POU2F3: variants seen among roughly 807,000 people sequenced by gnomAD.
The protein encoded by POU2F3 is POU domain, class 2, transcription factor 3.
POU2F3 carries 23 observed loss-of-function variants against 59.2 expected under a neutral mutation model. The ratio of observed to expected loss-of-function variants is 0.39; its 90% CI spans 0.28 to 0.55. POU2F3 has a LOEUF of 0.55. Among genes scored for constraint, POU2F3 ranks in the 20% least tolerant of loss-of-function variants. The probability of loss-of-function intolerance (pLI) is 0.66; values close to 1 mark genes in which losing one functional copy is unlikely to be tolerated. For synonymous variants in POU2F3, 190 were observed against 214.6 expected (o/e 0.89, Z 1.00); for missense variants, 473 against 544.5 (o/e 0.87, Z 1.31).
chr11:120,248,409 G>A (rs1355529220), intron 2 of POU2F3, among the ~76,000 whole-genome samples: 1 of 152,222 alleles, frequency 6.6e-6, no homozygotes, highest in Non-Finnish European at 1.5e-5. Context: ...AGTGGGTTGA[G>A]AGTTACTTGA....
intron 10 of POU2F3, among the ~76,000 whole-genome samples, chr11:120,310,391 G>A (rs574680240): frequency 2.6e-5 from 4 of 151,986 alleles, no homozygotes; most frequent in African/African-American, 9.6e-5. Context: ...GCAAGTTTGA[G>A]GAAAAAAACT....
chr11:120,301,266 G>T (rs528780796), intron 5 of POU2F3: 1 of 318,258 alleles, frequency 3.1e-6, no homozygotes, highest in South Asian at 2.8e-5. Flanking sequence ...TGCCTCATGA[G>T]ATTATTGAGA....
upstream of POU2F3, chr11:120,236,716 G>A (rs1322724237): frequency 6.8e-7 from 1 of 1,478,390 alleles, no homozygotes; most frequent in Non-Finnish European, 9.1e-7. Context: ...GGGTAAAGGA[G>A]TTCTCTACGT....
At position 120,297,162 on chromosome 11, in the gene POU2F3, C is replaced by T. The variant is rs563231054; in HGVS notation, c.133-1103C>T. Reference sequence around the variant, plus strand: ...TATAAGTATGGTCTAGAGCTCGTGCCCCCATCACATTATATGAATTTAAAG... The same window carrying T: ...TATAAGTATGGTCTAGAGCTCGTGCTCCCATCACATTATATGAATTTAAAG... On this transcript the variant is annotated intron_variant, in intron 3 of 12. Coordinates refer to ENST00000543440, the MANE Select transcript of POU2F3 (RefSeq NM_014352.4). 7.2e-5 allele frequency among the ~76,000 whole-genome samples: 11 copies of T among 152,258 alleles called. No homozygotes were observed. The South Asian group carries it at 2.3e-3, about 32-fold the overall frequency.
intron 2 of POU2F3, among the ~76,000 whole-genome samples, chr11:120,267,031 G>A: frequency 6.7e-6 from 1 of 150,100 alleles, no homozygotes; most frequent in East Asian, 2.8e-4. Context: ...TGTCACAAAG[G>A]GATTTTTTTT....
At chr11:120,292,337 C>G (rs115230503) in intron 3 of POU2F3, among the ~76,000 whole-genome samples, 91 of 150,966 alleles carry the variant, frequency 6.0e-4, no homozygotes, top group African/African-American at 1.9e-3. Flanking sequence ...GATAAGCAGC[C>G]CAGGGATATG....
chr11:120,308,972 A>G lies in POU2F3; in HGVS notation c.907-453A>G, dbSNP rs954867309. Among the ~76,000 whole-genome samples, 12 of 140,154 alleles carry G rather than the reference A, an allele frequency of 8.6e-5. 1 individual carries two copies. The Middle Eastern group carries it at 0.011, about 128-fold the overall frequency. 91.9% of individuals were successfully genotyped at this position (140,154 alleles called of 152,430 possible). ...AAAAAAAAAAAAAAAAAAAAAAAAA[A>G]AAAAGAAATGACAAGGGAGAAGGAC... On this transcript the variant is annotated intron_variant, in intron 9 of 12. Transcript: ENST00000543440.
At position 120,302,333 on chromosome 11, in the gene POU2F3, C is replaced by T. The variant is rs1470749400; in HGVS notation, c.409C>T (p.Leu137Phe). The change falls in exon 6 of 13, where the codon CTC (leucine) becomes TTC (phenylalanine). Residue 137 changes from leucine to phenylalanine, a missense_variant. Transcript: ENST00000543440. ...LPFPQQQSGL[L>F]LPQTGPGLAS... The stretch of plus-strand genomic sequence containing the variant: ...CTTTCCACAGCAACAAAGCGGTCTC[C>T]TCCTCCCACAGACTGGGCCGGGACT... The T allele has an allele frequency of 6.2e-7, 1 of 1,613,136 alleles. No individual in the cohort carries two copies. Among genetic ancestry groups the T allele is most frequent in the East Asian group, 2.2e-5 (1 of 44,870 alleles).
intron 1 of POU2F3, 152 bp downstream of exon 1, chr11:120,240,523 G>A: frequency 1.9e-6 from 2 of 1,079,182 alleles, no homozygotes; most frequent in African/African-American, 1.6e-5. Flanking sequence ...GGTGGGTGCC[G>A]GTCAGTATTT....
chr11:120,309,106 A>G (rs1941585295), intron 9 of POU2F3, among the ~76,000 whole-genome samples: 1 of 152,074 alleles, frequency 6.6e-6, no homozygotes, highest in Non-Finnish European at 1.5e-5. Flanking sequence ...AATGAAGGAA[A>G]GACAGCCTAC....
intron 2 of POU2F3, among the ~76,000 whole-genome samples, chr11:120,264,877 C>T (rs1939763353): frequency 6.6e-6 from 1 of 152,196 alleles, no homozygotes; most frequent in African/African-American, 2.4e-5. Flanking sequence ...TGATCGTGGA[C>T]CAGTTTTTAA....
chr11:120,293,729 G>A (rs932689110), intron 3 of POU2F3, among the ~76,000 whole-genome samples: 2 of 152,222 alleles, frequency 1.3e-5, no homozygotes, highest in East Asian at 1.9e-4. Flanking sequence ...ATGGGGAGGG[G>A]GTTAAAGATG....
At chr11:120,264,283 C>T (rs1939732487) in intron 2 of POU2F3, among the ~76,000 whole-genome samples, 1 of 151,510 alleles carries the variant, frequency 6.6e-6, no homozygotes, top group Non-Finnish European at 1.5e-5. Context: ...ACTCTGGAGG[C>T]TGAGGTAGGA....
intron 5 of POU2F3, 88 bp from the exon 6 acceptor site, chr11:120,302,198 G>C: frequency 8.6e-7 from 1 of 1,165,042 alleles, no homozygotes; most frequent in Non-Finnish European, 1.2e-6. Context: ...GGTGGGGACA[G>C]TGATCGTGGT....
intron 4 of POU2F3, among the ~76,000 whole-genome samples, chr11:120,299,254 A>G (rs1451063773): frequency 1.3e-5 from 2 of 152,160 alleles, no homozygotes; most frequent in Non-Finnish European, 2.9e-5. Context: ...AGAATTGGAT[A>G]GTTGGGGATT....
chr11:120,305,294 AC>A, intron 7 of POU2F3, 82 bp downstream of exon 7: 1 of 1,493,216 alleles, frequency 6.7e-7, no homozygotes. Flanking sequence ...TTCAAGAGCG[AC>A]CAGAGGCTCG....
At position 120,240,229 on chromosome 11, in the gene POU2F3, CGCG is replaced by C. The variant is rs533884871; in HGVS notation, c.-103_-101del. On this transcript the variant is annotated 5_prime_UTR_variant, in exon 1 of 13. Coordinates refer to ENST00000543440, the MANE Select transcript of POU2F3 (RefSeq NM_014352.4). ...CGGCGACGGCTCCGGCAGCGGCTCC[CGCG>C]GCGGCGGCGGCCGGGAACTGGAGGA... 21 of 1,247,228 alleles carry C rather than the reference CGCG, an allele frequency of 1.7e-5. No homozygotes were observed. Among genetic ancestry groups the C allele is most frequent in the South Asian group, 1.2e-4 (3 of 26,020 alleles). The allele number at this position is 1,247,228 out of a possible 1,614,324, so 77.3% of individuals were successfully genotyped here. A position where few individuals can be genotyped will look rare whatever the true frequency, so the allele number is the denominator to read the frequency against.
intron 2 of POU2F3, among the ~76,000 whole-genome samples, chr11:120,252,987 G>A (rs1939179198): frequency 6.6e-6 from 1 of 152,164 alleles, no homozygotes; most frequent in African/African-American, 2.4e-5. Flanking sequence ...AGGAGGGGGA[G>A]CCTGGTGTGG....
rs372139989 is a variant in POU2F3 at position 120,278,388 on chromosome 11, G to A, written c.132+9144G>A. On this transcript the variant is annotated intron_variant, in intron 3 of 12. Coordinates refer to ENST00000543440, the MANE Select transcript of POU2F3 (RefSeq NM_014352.4). ...CCACAGATTTCAGAAAACATCTCCC[G>A]GGGTAGCTGTGATCCCCAGTGAGAA... Among the ~76,000 whole-genome samples the A allele has an allele frequency of 1.3e-3, 191 of 152,224 alleles. 1 individual carries two copies. The highest frequency in any genetic ancestry group is 4.2e-3 in the African/African-American group (173 of 41,526).
Sources: allele counts gnomAD v4.1 joint callset (sites outside exome capture counted in the v4.1 genomes callset), GRCh38; gene constraint gnomAD v4.1.1; transcripts MANE v1.5; gene names NCBI Gene and HGNC (gene_info 2026-07-23, HGNC 2026-07-21).